The following REPS2 variants were observed in gnomAD, a reference collection of about 807,000 sequenced individuals.
REPS2 encodes RALBP1 associated Eps domain containing 2, also known as ralBP1-associated Eps domain-containing protein 2.
A neutral mutation model predicts 53.6 loss-of-function variants in REPS2; 23 were observed. The observed-to-expected ratio is 0.43, with a 90% confidence interval of 0.31 to 0.61. REPS2 has a LOEUF of 0.61. Among genes scored for constraint, REPS2 ranks in the 20% least tolerant of loss-of-function variants. The pLI is 0.11. For synonymous variants in REPS2, 238 were observed against 218.6 expected (o/e 1.09, Z -0.78); for missense variants, 446 against 534.9 (o/e 0.83, Z 1.64).
At chrX:17,005,337 G>A (rs1415902793) in intron 1 of REPS2, among the ~76,000 whole-genome samples, 5 of 111,224 alleles carry the variant, frequency 4.5e-5, no homozygotes, top group African/African-American at 1.6e-4. Flanking sequence ...TTTGGAAATA[G>A]TCACAAAAAA....
chrX:17,108,322 C>T (rs1376365575), intron 14 of REPS2, among the ~76,000 whole-genome samples: 1 of 110,080 alleles, frequency 9.1e-6, no homozygotes, highest in Non-Finnish European at 1.9e-5. Context: ...AACAGGCATG[C>T]ACCACCACGC....
chrX:17,031,072 A>G (rs1012557520), intron 5 of REPS2, among the ~76,000 whole-genome samples: 38 of 112,610 alleles, frequency 3.4e-4, no homozygotes, highest in Non-Finnish European at 4.5e-4. Context: ...CAGATGTAGT[A>G]GTTGGCTGTG....
At chrX:17,121,535 T>C (rs761116025) in intron 14 of REPS2, among the ~76,000 whole-genome samples, 1 of 112,111 alleles carries the variant, frequency 8.9e-6, no homozygotes, top group South Asian at 3.8e-4. Flanking sequence ...TCTTTATGTA[T>C]CATGCCAGTG....
chrX:17,055,864 G>A (rs1264420347), intron 8 of REPS2, among the ~76,000 whole-genome samples: 29 of 94,697 alleles, frequency 3.1e-4, no homozygotes, highest in Non-Finnish European at 5.3e-4. Context: ...GGGAGGGATA[G>A]CATTGGGAGA....
intron 13 of REPS2, among the ~76,000 whole-genome samples, chrX:17,080,963 G>GTGC (rs2062447831): frequency 9.0e-6 from 1 of 111,410 alleles, no homozygotes; most frequent in Admixed American, 9.6e-5. Flanking sequence ...ACCTGCTGCT[G>GTGC]TGCTGTTCCT....
intron 14 of REPS2, among the ~76,000 whole-genome samples, chrX:17,131,461 C>G (rs16997173): frequency 0.025 from 2,751 of 111,234 alleles, 93 homozygotes; most frequent in African/African-American, 0.087. Flanking sequence ...GAGAAGGCCA[C>G]GTTAGGGATG....
intron 5 of REPS2, among the ~76,000 whole-genome samples, chrX:17,031,782 A>G (rs1294341485): frequency 8.9e-6 from 1 of 111,817 alleles, no homozygotes; most frequent in Non-Finnish European, 1.9e-5. Flanking sequence ...TGCGGGAGCA[A>G]GGTGACAAGA....
chrX:17,093,142 C>G (rs2062640702), intron 13 of REPS2, among the ~76,000 whole-genome samples: 1 of 75,666 alleles, frequency 1.3e-5, no homozygotes, highest in African/African-American at 5.3e-5. Context: ...AGCAACCGAA[C>G]AAGGAAAAAT....
Position 17,113,070 on chromosome X carries a change from C to T in REPS2, c.1578+9291C>T, listed in dbSNP as rs191465596. Among the ~76,000 whole-genome samples, 472 of 68,255 alleles carry T rather than the reference C, an allele frequency of 6.9e-3. 5 individuals carry two copies. Among genetic ancestry groups the T allele is most frequent in the African/African-American group, 0.028 (450 of 15,910 alleles). 59.3% of individuals were successfully genotyped at this position (68,255 alleles called of 115,157 possible). Reference sequence around the variant, plus strand: ...TTGCACCACTGCACTCCAGCCCGGGCGACAGAGCAAGACTCTGTCTCAAAA... The same window carrying T: ...TTGCACCACTGCACTCCAGCCCGGGTGACAGAGCAAGACTCTGTCTCAAAA... On this transcript the variant is annotated intron_variant, in intron 14 of 17. Coordinates refer to ENST00000357277, the MANE Select transcript of REPS2 (RefSeq NM_004726.3).
At position 17,029,621 on chromosome X, in the gene REPS2, C is replaced by A. The variant is rs759686330; in HGVS notation, c.769C>A (p.Arg257=). ...KPLRHQASLI[R]SFSVERELQD... is the part of the protein sequence containing the mutation. Reference sequence around the variant, plus strand: ...CCTTCGGCATCAGGCTTCCCTTATCCGGGTAAGTGATGATGCAGGGTTATG... The same window carrying A: ...CCTTCGGCATCAGGCTTCCCTTATCAGGGTAAGTGATGATGCAGGGTTATG... The change falls in exon 5 of 18, where the codon CGG becomes AGG. Residue 257 remains arginine (R), a splice_region_variant and synonymous_variant. Coordinates refer to ENST00000357277, the MANE Select transcript of REPS2 (RefSeq NM_004726.3). The A allele has an allele frequency of 8.4e-7, 1 of 1,189,926 alleles. No homozygotes were observed. The highest frequency in any genetic ancestry group is 1.8e-5 in the South Asian group (1 of 56,284).
the REPS2 span, among the ~76,000 whole-genome samples, chrX:17,178,115 T>G: frequency 1.8e-5 from 2 of 112,209 alleles, no homozygotes; most frequent in African/African-American, 6.5e-5. Flanking sequence ...AGGCCATGGT[T>G]TATGTTTTTG....
At chrX:17,143,431 T>C in intron 17 of REPS2, among the ~76,000 whole-genome samples, 1 of 80,387 alleles carries the variant, frequency 1.2e-5, no homozygotes, top group South Asian at 7.0e-4. Context: ...GTTTCATCCA[T>C]TGTTCTCTAC....
At chrX:16,952,123 C>T (rs1239614545) in intron 1 of REPS2, among the ~76,000 whole-genome samples, 2 of 111,400 alleles carry the variant, frequency 1.8e-5, no homozygotes, top group Admixed American at 9.6e-5. Context: ...ACTTGGAGAA[C>T]GTGCAGTTTT....
At chrX:17,073,123 A>G (rs1253722845) in intron 11 of REPS2, among the ~76,000 whole-genome samples, 1 of 112,145 alleles carries the variant, frequency 8.9e-6, no homozygotes, top group African/African-American at 3.2e-5. Context: ...AATGATCATC[A>G]TAAATTCAGG....
chrX:17,134,919 G>A (rs902351431), intron 15 of REPS2, among the ~76,000 whole-genome samples: 16 of 111,454 alleles, frequency 1.4e-4, no homozygotes, highest in African/African-American at 4.9e-4. Context: ...ACTGCGCCCG[G>A]CCAAAATTTA....
chrX:17,062,567 T>C (rs779550493), intron 9 of REPS2, 35 bp downstream of exon 9: 1 of 1,016,909 alleles, frequency 9.8e-7, no homozygotes, highest in Admixed American at 2.6e-5. Flanking sequence ...AATAAGGATG[T>C]GTATGGAGCT....
chrX:17,166,143 A>G, the REPS2 span, among the ~76,000 whole-genome samples: 7 of 111,450 alleles, frequency 6.3e-5, no homozygotes, highest in Admixed American at 6.7e-4. Flanking sequence ...GTGTGATAAT[A>G]ACAATAGCGG....
intron 6 of REPS2, among the ~76,000 whole-genome samples, chrX:17,050,198 T>TTTCTTTCTTTCTTTCTCTCTTTC (rs2061977971): frequency 4.4e-5 from 1 of 22,966 alleles, no homozygotes; most frequent in Non-Finnish European, 7.1e-5. Context: ...TTCTTTCTTT[T>TTTCTTTCTTTCTTTCTCTCTTTC]TTTTTTTTTT....
At position 16,969,753 on chromosome X, in the gene REPS2, C is replaced by G. The variant is rs191564446; in HGVS notation, c.273+22619C>G. On this transcript the variant is annotated intron_variant, in intron 1 of 17. Coordinates refer to ENST00000357277, the MANE Select transcript of REPS2 (RefSeq NM_004726.3). The stretch of plus-strand genomic sequence containing the variant: ...AGGGAGACCGTGGGGAGAGGGAGAC[C>G]GAGAGGGAGAGGGAGAGAGGGAGAG... Among the ~76,000 whole-genome samples, 404 of 69,279 alleles carry G rather than the reference C, an allele frequency of 5.8e-3. 4 individuals are homozygous for G. Among genetic ancestry groups the G allele is most frequent in the African/African-American group, 0.022 (370 of 16,762 alleles). The allele number at this position is 69,279 out of a possible 115,157, so 60.2% of individuals were successfully genotyped here.
Sources: allele counts gnomAD v4.1 joint callset (sites outside exome capture counted in the v4.1 genomes callset), GRCh38; gene constraint gnomAD v4.1.1; transcripts MANE v1.5; gene names NCBI Gene and HGNC (gene_info 2026-07-23, HGNC 2026-07-21).